Variants in ANKRD46 observed in about 807,000 individuals in gnomAD.
ANKRD46 encodes the protein ankyrin repeat domain 46, also known as ankyrin repeat domain-containing protein 46.
Under a neutral mutation model 19.8 loss-of-function variants are expected in ANKRD46, and 13 were observed. That is an observed-to-expected ratio of 0.66 (90% CI 0.43 to 1.04). The LOEUF is 1.04. ANKRD46 is among the 50% of genes least tolerant of loss of function. ANKRD46 has a pLI of 0.00. For missense variants in ANKRD46, 185 were observed against 274.8 expected, an observed-to-expected ratio of 0.67 and a Z score of 2.31; for synonymous variants, 91 against 106.9, an observed-to-expected ratio of 0.85 and a Z score of 0.92.
chr8:100,549,376 T>C (rs952484402), intron 1 of ANKRD46, among the ~76,000 whole-genome samples: 14 of 152,074 alleles, frequency 9.2e-5, no homozygotes, highest in African/African-American at 3.1e-4. Context: ...TAAGCATACA[T>C]TGCCATTCTA....
rs112670071 is a variant in ANKRD46, at chr8:100,511,436, T to TTGTGTG, written c.637-803_637-798dup. Reference sequence around the variant, plus strand: ...GGTAAATGGTGAGGTAGACACCAAGTTGTGTGTGTGTGTGTGTGTGTGTGT... The same window carrying TTGTGTG: ...GGTAAATGGTGAGGTAGACACCAAGTTGTGTGTGTGTGTGTGTGTGTGTGTGTGTGT... On this transcript the variant is annotated intron_variant, in intron 5 of 5. Transcript: ENST00000520552. The surrounding 1 kb of genome is among the most constrained non-coding windows in gnomAD (Gnocchi z 4.1). Among the ~76,000 whole-genome samples the TTGTGTG allele has an allele frequency of 5.4e-5, 8 of 148,462 alleles. No homozygotes were observed. The highest frequency in any genetic ancestry group is 1.5e-4 in the African/African-American group (6 of 40,472).
At position 100,532,164 on chromosome 8, in the gene ANKRD46, T is replaced by C. The variant is rs570717647; in HGVS notation, c.-28+1045A>G. Among the ~76,000 whole-genome samples, 26 of 152,274 alleles carry C rather than the reference T, an allele frequency of 1.7e-4. No homozygotes were observed. Among genetic ancestry groups the C allele is most frequent in the African/African-American group, 6.3e-4 (26 of 41,552 alleles). On this transcript the variant is annotated intron_variant, in intron 2 of 4. Coordinates refer to ENST00000335659, the MANE Select transcript of ANKRD46 (RefSeq NM_001270377.2). The surrounding 1 kb of genome is among the most constrained non-coding windows in gnomAD (Gnocchi z 4.7). ...AATAAACTTCAGATTATGATACATA[T>C]GATGACTTTTTAAAAATCTGGCTGG...
rs1811547216 is a variant in ANKRD46 at position 100,511,440 on chromosome 8, G to A, written c.637-801C>T. On this transcript the variant is annotated intron_variant, in intron 5 of 5. Transcript: ENST00000520552. This position sits in a 1 kb window ranked among gnomAD's most constrained non-coding sequence, Gnocchi z 4.1. ...AATGGTGAGGTAGACACCAAGTTGTGTGTGTGTGTGTGTGTGTGTGTCCTG... is the reference window on the plus strand; with the variant it reads ...AATGGTGAGGTAGACACCAAGTTGTATGTGTGTGTGTGTGTGTGTGTCCTG... Among the ~76,000 whole-genome samples the A allele has an allele frequency of 6.6e-6, 1 of 151,728 alleles. No homozygotes were observed. The highest frequency in any genetic ancestry group is 2.1e-4 in the South Asian group (1 of 4,810).
rs1008165753 is a variant in ANKRD46, at chr8:100,534,932, A to G, written c.-130-1621T>C. 7.2e-5 allele frequency among the ~76,000 whole-genome samples: 11 copies of G among 152,178 alleles called. No homozygotes were observed. Among genetic ancestry groups the G allele is most frequent in the Non-Finnish European group, 1.3e-4 (9 of 68,000 alleles). The stretch of plus-strand genomic sequence containing the variant: ...CAGCCATGTGCCACCATGCCTGGGT[A>G]ATTTTTGTATTTTTAGTGGAGATGA... On this transcript the variant is annotated intron_variant, in intron 1 of 4. Coordinates refer to ENST00000335659, the MANE Select transcript of ANKRD46 (RefSeq NM_001270377.2). This position sits in a 1 kb window ranked among gnomAD's most constrained non-coding sequence, Gnocchi z 4.2.
At chr8:100,558,849 G>A (rs1295899394) in intron 1 of ANKRD46, among the ~76,000 whole-genome samples, 2 of 152,086 alleles carry the variant, frequency 1.3e-5, no homozygotes, top group African/African-American at 4.8e-5. Context: ...TTGCTTCAAG[G>A]ATTAAAGGTA....
At chr8:100,530,166 A>T (rs982475635) in intron 2 of ANKRD46, among the ~76,000 whole-genome samples, 1 of 152,276 alleles carries the variant, frequency 6.6e-6, no homozygotes, top group African/African-American at 2.4e-5. Flanking sequence ...AGATTTAAGT[A>T]TTACATTGTC....
rs185640537 is a variant in ANKRD46 at position 100,511,544 on chromosome 8, C to T, written c.637-905G>A. Among the ~76,000 whole-genome samples the T allele has an allele frequency of 2.0e-5, 3 of 152,128 alleles. No individual in the cohort carries two copies. Among genetic ancestry groups the T allele is most frequent in the African/African-American group, 4.8e-5 (2 of 41,488 alleles). ...CTCAGAAGCACTGTGTTTCTCATTA[C>T]TACTTATTTTATCCAAATTAAATGA... On this transcript the variant is annotated intron_variant, in intron 5 of 5. Coordinates refer to the ANKRD46 transcript ENST00000520552. The surrounding 1 kb of genome is among the most constrained non-coding windows in gnomAD (Gnocchi z 4.1).
downstream of ANKRD46, among the ~76,000 whole-genome samples, chr8:100,520,225 A>C (rs1811698210): frequency 6.6e-6 from 1 of 152,216 alleles, no homozygotes; most frequent in Non-Finnish European, 1.5e-5. Flanking sequence ...ATGTGTAAGA[A>C]AGGAAAAAAA....
intron 1 of ANKRD46, chr8:100,551,058 G>C: frequency 2.0e-6 from 1 of 511,656 alleles, no homozygotes; most frequent in Non-Finnish European, 3.8e-6. Flanking sequence ...TCAGCTCGGG[G>C]ATGGCCTTGC....
At chr8:100,554,200 C>T (rs1340071271) in intron 1 of ANKRD46, among the ~76,000 whole-genome samples, 1 of 152,116 alleles carries the variant, frequency 6.6e-6, no homozygotes, top group African/African-American at 2.4e-5. Flanking sequence ...AATTGTTTCT[C>T]TAATAATGTA....
At position 100,527,644 on chromosome 8, in the gene ANKRD46, A is replaced by G. The variant is rs987103000; in HGVS notation, c.470+201T>C. 3.2e-4 allele frequency among the ~76,000 whole-genome samples: 49 copies of G among 152,228 alleles called. No individual in the cohort carries two copies. Among genetic ancestry groups the G allele is most frequent in the African/African-American group, 1.1e-3 (47 of 41,466 alleles). On this transcript the variant is annotated intron_variant, in intron 4 of 4. Transcript: ENST00000335659. The surrounding 1 kb of genome is among the most constrained non-coding windows in gnomAD (Gnocchi z 4.0). ...TCAAGTTGCACTTAAAAGCAAATGAATATTAAAGTTCACAAAGTTAACCAT... is the reference window on the plus strand; with the variant it reads ...TCAAGTTGCACTTAAAAGCAAATGAGTATTAAAGTTCACAAAGTTAACCAT...
At position 100,522,273 on chromosome 8, in the gene ANKRD46, T is replaced by A; in HGVS notation, c.*282A>T. On this transcript the variant is annotated 3_prime_UTR_variant, in exon 5 of 5. Coordinates refer to ENST00000335659, the MANE Select transcript of ANKRD46 (RefSeq NM_001270377.2). ...CCTAGCTTCTTCCTTTATCTTCCATTCTCTAGTCACTTCCGTGTTTTTATC... is the reference window on the plus strand; with the variant it reads ...CCTAGCTTCTTCCTTTATCTTCCATACTCTAGTCACTTCCGTGTTTTTATC... 8.3e-7 allele frequency: 1 copy of A among 1,198,976 alleles called. No homozygotes were observed. The highest frequency in any genetic ancestry group is 2.5e-5 in the South Asian group (1 of 39,666). The allele number at this position is 1,198,976 out of a possible 1,614,324, so 74.3% of individuals were successfully genotyped here.
chr8:100,551,683 ATCTATTTAC>A, intron 1 of ANKRD46: 2 of 638,808 alleles, frequency 3.1e-6, no homozygotes. Context: ...TATGGCCCAA[ATCTATTTAC>A]TCTGGCCTTC....
At chr8:100,517,550 C>T (rs527772993), downstream of ANKRD46, among the ~76,000 whole-genome samples, 61 of 152,308 alleles carry the variant, frequency 4.0e-4, 2 homozygotes, top group South Asian at 0.012. Flanking sequence ...ATCTCTGTCC[C>T]CAGGTGAATG....
In ANKRD46 at chr8:100,551,329, T is replaced by C. The variant is rs533262993; in HGVS notation, c.-131+8382A>G. 3.5e-4 allele frequency: 193 copies of C among 558,692 alleles called. 1 individual carries two copies. The highest frequency in any genetic ancestry group is 4.5e-4 in the Non-Finnish European group (132 of 295,522). The allele number at this position is 558,692 out of a possible 1,614,324, so 34.6% of individuals were successfully genotyped here. The stretch of plus-strand genomic sequence containing the variant: ...TCAGGGATCATGCCCATTATGAATA[T>C]GGGGGCATCAGCAGAGGGGGTAGAG... On this transcript the variant is annotated intron_variant, in intron 1 of 4. Coordinates refer to ENST00000335659, the MANE Select transcript of ANKRD46 (RefSeq NM_001270377.2).
chr8:100,549,972 A>G (rs925575482), intron 1 of ANKRD46, among the ~76,000 whole-genome samples: 2 of 152,114 alleles, frequency 1.3e-5, no homozygotes, highest in Admixed American at 6.5e-5. Context: ...TTCCCTCATA[A>G]TACGTGTTTT....
rs961371564 is a variant in ANKRD46 at position 100,545,218 on chromosome 8, G to A, written c.-130-11907C>T. Among the ~76,000 whole-genome samples, 3 of 152,060 alleles carry A rather than the reference G, an allele frequency of 2.0e-5. No homozygotes were observed. The highest frequency in any genetic ancestry group is 4.4e-5 in the Non-Finnish European group (3 of 68,004). ...CGTGCACCTGTAGTCCCAGCTACTC[G>A]GGAGGCTGAGGTGGGAGGATAGTGA... On this transcript the variant is annotated intron_variant, in intron 1 of 4. Coordinates refer to ENST00000335659, the MANE Select transcript of ANKRD46 (RefSeq NM_001270377.2). This position sits in a 1 kb window ranked among gnomAD's most constrained non-coding sequence, Gnocchi z 4.7.
chr8:100,552,943 T>G (rs1812423954), intron 1 of ANKRD46, among the ~76,000 whole-genome samples: 1 of 152,234 alleles, frequency 6.6e-6, no homozygotes, highest in Non-Finnish European at 1.5e-5. Flanking sequence ...TCTTATATGC[T>G]TCTGTCATTG....
chr8:100,511,824 G>C lies in ANKRD46; in HGVS notation c.637-1185C>G, dbSNP rs1222491880. ...AGATCACTTGAGGTCAGGAGTTCGAGACCAGCCTGGCCAACAATGGTGAAA... is the reference window on the plus strand; with the variant it reads ...AGATCACTTGAGGTCAGGAGTTCGACACCAGCCTGGCCAACAATGGTGAAA... On this transcript the variant is annotated intron_variant, in intron 5 of 5. Coordinates refer to the ANKRD46 transcript ENST00000520552. This position sits in a 1 kb window ranked among gnomAD's most constrained non-coding sequence, Gnocchi z 4.1. Among the ~76,000 whole-genome samples, 1 of 152,188 alleles carries C rather than the reference G, an allele frequency of 6.6e-6. No individual in the cohort carries two copies. Among genetic ancestry groups the C allele is most frequent in the Non-Finnish European group, 1.5e-5 (1 of 68,028 alleles).
Sources: gnomAD v4.1 joint callset for allele counts (sites outside exome capture counted in the v4.1 genomes callset) on GRCh38, gnomAD v4.1.1 for gene constraint, Gnocchi (gnomAD v3.1) non-coding constraint, MANE v1.5 for transcripts, NCBI Gene and HGNC (gene_info 2026-07-23, HGNC 2026-07-21) for gene names.